RIMS2: variants seen among roughly 807,000 people sequenced by gnomAD.
RIMS2 encodes regulating synaptic membrane exocytosis 2, also known as regulating synaptic membrane exocytosis protein 2.
Under a neutral mutation model 174.4 loss-of-function variants are expected in RIMS2, and 59 were observed. The ratio of observed to expected loss-of-function variants is 0.34; its 90% CI spans 0.27 to 0.42. RIMS2 has a LOEUF of 0.42. Ranked by LOEUF, RIMS2 falls within the 10% of genes least tolerant of loss-of-function variation. The probability of loss-of-function intolerance (pLI) is 1.00; values close to 1 mark genes in which losing one functional copy is unlikely to be tolerated. For missense variants in RIMS2, 1,620 were observed against 1,666.3 expected (o/e 0.97, Z 0.48); for synonymous variants, 606 against 572.5 (o/e 1.06, Z -0.84).
Position 103,822,878 on chromosome 8 carries a change from C to T in RIMS2, c.698+56341C>T, listed in dbSNP as rs570992906. 1.1e-4 allele frequency among the ~76,000 whole-genome samples: 17 copies of T among 152,048 alleles called. No homozygotes were observed. The East Asian group carries it at 1.2e-3, about 10-fold the overall frequency. On this transcript the variant is annotated intron_variant, in intron 3 of 23. Transcript: ENST00000504942. Reference sequence around the variant, plus strand: ...TTGTCATTAGTAAAAAAATCAAGTACTGAGTTCAATATGAAATCTAATTTT... The same window carrying T: ...TTGTCATTAGTAAAAAAATCAAGTATTGAGTTCAATATGAAATCTAATTTT...
intron 19 of RIMS2, among the ~76,000 whole-genome samples, chr8:104,139,847 G>A (rs2133473264): frequency 6.6e-6 from 1 of 152,202 alleles, no homozygotes; most frequent in Middle Eastern, 3.4e-3. Flanking sequence ...TTCAGATCTT[G>A]CAGGAAAGGC....
intron 3 of RIMS2, among the ~76,000 whole-genome samples, chr8:103,794,602 G>C (rs991028791): frequency 2.6e-5 from 4 of 152,108 alleles, no homozygotes; most frequent in South Asian, 2.1e-4. Flanking sequence ...TTAAACTAAA[G>C]AGCTTCTGCA....
intron 19 of RIMS2, chr8:104,015,425 C>G (rs1344956602): frequency 1.4e-6 from 1 of 705,232 alleles, no homozygotes; most frequent in African/African-American, 1.7e-5. Flanking sequence ...TTTCCCTAGA[C>G]AATGGAGTCA....
intron 3 of RIMS2, among the ~76,000 whole-genome samples, chr8:103,826,085 A>G (rs2098788807): frequency 6.6e-6 from 1 of 152,266 alleles, no homozygotes; most frequent in Non-Finnish European, 1.5e-5. Context: ...AAAGTGTCCA[A>G]TATTTTTTAA....
chr8:104,215,363 T>A (rs117344170), intron 19 of RIMS2, among the ~76,000 whole-genome samples: 1 of 152,242 alleles, frequency 6.6e-6, no homozygotes, highest in African/African-American at 2.4e-5. Context: ...GGTACTTTTT[T>A]ATTTTTCCAT....
At chr8:103,861,496 C>T (rs916992006) in intron 3 of RIMS2, among the ~76,000 whole-genome samples, 1 of 152,064 alleles carries the variant, frequency 6.6e-6, no homozygotes. Flanking sequence ...GGTAGACACC[C>T]AGTAGTGCGA....
At chr8:104,038,697 A>G (rs1022952268) in intron 19 of RIMS2, among the ~76,000 whole-genome samples, 14 of 151,998 alleles carry the variant, frequency 9.2e-5, no homozygotes, top group African/African-American at 3.4e-4. Flanking sequence ...TGCCTAAGAC[A>G]TGGCTGCTTA....
exon 7 of RIMS2, chr8:103,915,560 A>T: frequency 6.2e-7 from 1 of 1,604,562 alleles, no homozygotes; most frequent in Non-Finnish European, 8.5e-7. Context: ...TAAAAAAAGG[A>T]AGTTTAGCTG....
chr8:103,939,899 A>T (rs6998963), intron 13 of RIMS2, among the ~76,000 whole-genome samples: 19,308 of 152,104 alleles, frequency 0.13, 1,695 homozygotes, highest in Non-Finnish European at 0.19. Context: ...GTTCCCAAAA[A>T]ATTCCTCCTT....
At chr8:103,665,037 A>C (rs886579279) in intron 1 of RIMS2, among the ~76,000 whole-genome samples, 1 of 152,184 alleles carries the variant, frequency 6.6e-6, no homozygotes, top group Non-Finnish European at 1.5e-5. Flanking sequence ...CAGAAAACCA[A>C]ACATCGCATG....
rs145000329 is a variant in RIMS2, at chr8:103,526,266, G to A, written c.176+25204G>A. 6.2e-3 allele frequency among the ~76,000 whole-genome samples: 938 copies of A among 152,278 alleles called. 12 individuals carry two copies. The highest frequency in any genetic ancestry group is 0.021 in the African/African-American group (888 of 41,562). On this transcript the variant is annotated intron_variant, in intron 1 of 23. Transcript: ENST00000504942. Reference sequence around the variant, plus strand: ...AGAGGAAAACCAGTTTAGAATCATCGTAGTCTTTAATTAGATTACAGACAT... The same window carrying A: ...AGAGGAAAACCAGTTTAGAATCATCATAGTCTTTAATTAGATTACAGACAT...
At chr8:104,044,989 A>G (rs973714576) in intron 19 of RIMS2, among the ~76,000 whole-genome samples, 3 of 151,838 alleles carry the variant, frequency 2.0e-5, no homozygotes, top group South Asian at 2.1e-4. Context: ...AATGTATTTC[A>G]CCTGTTTAAT....
intron 2 of RIMS2, among the ~76,000 whole-genome samples, chr8:103,731,762 C>A (rs1300213404): frequency 2.0e-5 from 3 of 152,098 alleles, no homozygotes; most frequent in Non-Finnish European, 4.4e-5. Flanking sequence ...ATGTCAGTTG[C>A]ATTTTTGAAC....
intron 2 of RIMS2, among the ~76,000 whole-genome samples, chr8:103,752,353 GC>G (rs2097904462): frequency 2.6e-5 from 4 of 152,260 alleles, no homozygotes; most frequent in Admixed American, 1.3e-4. Context: ...GGTTACTGTA[GC>G]CTTCTAGTAT....
chr8:103,987,071 A>T lies in RIMS2; in HGVS notation c.2928-2234A>T, dbSNP rs7827697. On this transcript the variant is annotated intron_variant, in intron 16 of 23. Coordinates refer to ENST00000504942, the Ensembl canonical transcript of RIMS2. Reference sequence around the variant, plus strand: ...TACAACTGGCTCTAAAACCAGATAAAAAAGGAAAGTTGCCTAATTCTTTTT... The same window carrying T: ...TACAACTGGCTCTAAAACCAGATAATAAAGGAAAGTTGCCTAATTCTTTTT... Among the ~76,000 whole-genome samples, 1,371 of 152,274 alleles carry T rather than the reference A, an allele frequency of 9.0e-3. 26 individuals are homozygous for T. The highest frequency in any genetic ancestry group is 0.031 in the African/African-American group (1,303 of 41,550).
At chr8:103,532,594 T>G (rs960128475) in intron 1 of RIMS2, among the ~76,000 whole-genome samples, 9 of 152,200 alleles carry the variant, frequency 5.9e-5, no homozygotes, top group South Asian at 2.1e-4. Flanking sequence ...CTATGCTCAT[T>G]TGTTTATGTA....
chr8:103,678,156 T>A (rs1000207877), intron 1 of RIMS2, among the ~76,000 whole-genome samples: 2 of 152,222 alleles, frequency 1.3e-5, no homozygotes, highest in African/African-American at 4.8e-5. Context: ...CATGTTCATA[T>A]CTATCTTATT....
chr8:103,628,871 T>C (rs764124516), intron 1 of RIMS2, among the ~76,000 whole-genome samples: 2 of 149,702 alleles, frequency 1.3e-5, no homozygotes, highest in African/African-American at 4.9e-5. Flanking sequence ...TCCAGGAAAA[T>C]AGCATGAAAA....
chr8:104,145,066 T>G (rs2098622376), intron 19 of RIMS2, among the ~76,000 whole-genome samples: 1 of 152,228 alleles, frequency 6.6e-6, no homozygotes, highest in Admixed American at 6.5e-5. Context: ...TTGATGAACA[T>G]AATTTATTTA....
Sources: allele counts gnomAD v4.1 joint callset (sites outside exome capture counted in the v4.1 genomes callset), GRCh38; gene constraint gnomAD v4.1.1; transcripts MANE v1.5; gene names NCBI Gene and HGNC (gene_info 2026-07-23, HGNC 2026-07-21).